CACNA1B: variants seen among roughly 807,000 people sequenced by gnomAD.
The protein encoded by CACNA1B is voltage-dependent N-type calcium channel subunit alpha-1B.
Under a neutral mutation model 247.2 loss-of-function variants are expected in CACNA1B, and 70 were observed. That is an observed-to-expected ratio of 0.28 (90% confidence interval 0.23 to 0.35). The LOEUF is 0.35. CACNA1B is among the 10% of genes least tolerant of loss of function. The pLI is 1.00. For missense variants in CACNA1B, 2,367 were observed against 3,197.4 expected (o/e 0.74, Z 6.26); for synonymous variants, 1,231 against 1,294.4 (o/e 0.95, Z 1.05).
intron 21 of CACNA1B, among the ~76,000 whole-genome samples, chr9:138,045,936 G>A (rs1959180809): frequency 1.3e-5 from 2 of 152,150 alleles, no homozygotes; most frequent in South Asian, 4.1e-4. Context: ...AGGGGCTGGG[G>A]GCGGTGGACA....
chr9:137,938,930 G>A (rs1483574507), intron 6 of CACNA1B, among the ~76,000 whole-genome samples: 8 of 152,172 alleles, frequency 5.3e-5, no homozygotes, highest in Admixed American at 5.2e-4. Context: ...AAATAGCCAG[G>A]TGTGGTGGCA....
chr9:137,896,075 TA>T (rs1957168791), intron 3 of CACNA1B, among the ~76,000 whole-genome samples: 2 of 151,922 alleles, frequency 1.3e-5, no homozygotes, highest in South Asian at 4.2e-4. Context: ...CTGTCTCTAC[TA>T]AAAATACAAA....
At chr9:138,040,126 A>G (rs1959099069) in intron 20 of CACNA1B, among the ~76,000 whole-genome samples, 1 of 152,136 alleles carries the variant, frequency 6.6e-6, no homozygotes, top group African/African-American at 2.4e-5. Context: ...TATTGTAGAC[A>G]TGGAGTTTCT....
intron 18 of CACNA1B, among the ~76,000 whole-genome samples, chr9:138,019,910 C>A (rs2133431757): frequency 6.6e-6 from 1 of 152,042 alleles, no homozygotes; most frequent in East Asian, 1.9e-4. Context: ...CCAGCCTGGG[C>A]AACATGGTGA....
rs1348063859 is a variant in CACNA1B, at chr9:138,073,775, G to A, written c.4791+171G>A. On this transcript the variant is annotated intron_variant, in intron 33 of 46. Transcript: ENST00000371372. This position sits in a 1 kb window ranked among gnomAD's most constrained non-coding sequence, Gnocchi z 6.4. ...TTTATAAAGACGTTTTAAGTCATCTGTAGGTTCCCTTGGTCATGCTCACAA... is the reference window on the plus strand; with the variant it reads ...TTTATAAAGACGTTTTAAGTCATCTATAGGTTCCCTTGGTCATGCTCACAA... 6.6e-6 allele frequency among the ~76,000 whole-genome samples: 1 copy of A among 152,212 alleles called. No homozygotes were observed. Among genetic ancestry groups the A allele is most frequent in the Non-Finnish European group, 1.5e-5 (1 of 68,034 alleles).
At chr9:137,935,281 G>A (rs988359876) in intron 6 of CACNA1B, among the ~76,000 whole-genome samples, 7 of 151,964 alleles carry the variant, frequency 4.6e-5, no homozygotes, top group African/African-American at 7.3e-5. Flanking sequence ...AGGCTCCGGC[G>A]TGTGATGTTC....
At chr9:137,942,731 C>T (rs182385515) in intron 6 of CACNA1B, among the ~76,000 whole-genome samples, 21 of 152,258 alleles carry the variant, frequency 1.4e-4, no homozygotes, top group Admixed American at 6.5e-4. Flanking sequence ...GAAAACCGAA[C>T]GTCGTATGTT....
chr9:138,118,723 C>T lies in CACNA1B; in HGVS notation c.5985C>T (p.Ser1995=). The T allele has an allele frequency of 6.4e-7, 1 of 1,557,788 alleles. No individual in the cohort carries two copies. The highest frequency in any genetic ancestry group is 8.7e-7 in the Non-Finnish European group (1 of 1,150,696). Residue 1995 remains serine, a synonymous_variant, in exon 44 of 47, where the codon AGC becomes AGT. Coordinates refer to ENST00000371372, the MANE Select transcript of CACNA1B (RefSeq NM_000718.4). ...GGGAGCCCCAGCCTGGGCTGGAGAG[C>T]CAGGGTCGAGCGGCCTCCATGCCCC... The part of the protein sequence containing the change: ...PDGEPQPGLE[S]QGRAASMPRL...
At chr9:138,017,027 A>T (rs558029408) in intron 18 of CACNA1B, 1 of 461,786 alleles carries the variant, frequency 2.2e-6, no homozygotes, top group East Asian at 6.4e-5. Context: ...TCCTGTCCAG[A>T]TGCACATGGC....
chr9:138,083,350 T>A (rs62580955), intron 36 of CACNA1B, among the ~76,000 whole-genome samples: 21,753 of 150,924 alleles, frequency 0.14, 2,254 homozygotes, highest in East Asian at 0.38. Context: ...AGGGGCCACG[T>A]GGAGGTGGAG....
At chr9:138,022,813 G>GC (rs1050927157) in intron 18 of CACNA1B, among the ~76,000 whole-genome samples, 198 bp from the exon 19 acceptor site, 12 of 151,982 alleles carry the variant, frequency 7.9e-5, no homozygotes, top group Admixed American at 2.6e-4. Flanking sequence ...CGTGGGGGGG[G>GC]GGGGCGGCGG....
At chr9:137,959,777 G>A (rs1453758063) in intron 10 of CACNA1B, among the ~76,000 whole-genome samples, 3 of 152,182 alleles carry the variant, frequency 2.0e-5, no homozygotes, top group Admixed American at 2.0e-4. Context: ...TGCCAGCAAC[G>A]GAGGCATGGG....
Position 137,939,803 on chromosome 9 carries a change from AAAAT to A in CACNA1B, c.967-12427_967-12424del, listed in dbSNP as rs756173569. On this transcript the variant is annotated intron_variant, in intron 6 of 46. Transcript: ENST00000371372. Reference sequence around the variant, plus strand: ...GGGCAACTGAGCAAGACTCCGTCTCAAAATAAATAAATAAATAAATAAATAAATA... The same window carrying A: ...GGGCAACTGAGCAAGACTCCGTCTCAAAATAAATAAATAAATAAATAAATA... 8.3e-3 allele frequency among the ~76,000 whole-genome samples: 1,192 copies of A among 143,812 alleles called. 7 individuals carry two copies. Among genetic ancestry groups the A allele is most frequent in the Middle Eastern group, 0.018 (5 of 284 alleles). 94.3% of individuals were successfully genotyped at this position (143,812 alleles called of 152,430 possible).
intron 22 of CACNA1B, 100 bp downstream of exon 22, chr9:138,047,133 G>T: frequency 9.0e-7 from 1 of 1,109,620 alleles, no homozygotes; most frequent in South Asian, 1.6e-5. Flanking sequence ...AGGTCCTGTC[G>T]TCTCACAGGG....
intron 20 of CACNA1B, among the ~76,000 whole-genome samples, chr9:138,027,210 T>C (rs921728347): frequency 6.6e-6 from 1 of 152,226 alleles, no homozygotes; most frequent in African/African-American, 2.4e-5. Flanking sequence ...TTCTCCCATT[T>C]TGTGGCTTGG....
At chr9:138,026,907 G>T (rs934286214) in intron 20 of CACNA1B, among the ~76,000 whole-genome samples, 1 of 152,182 alleles carries the variant, frequency 6.6e-6, no homozygotes, top group African/African-American at 2.4e-5. Context: ...GAGAGTTCCT[G>T]TTGCTCCACA....
At position 138,118,098 on chromosome 9, in the gene CACNA1B, G is replaced by C. The variant is rs529663330; in HGVS notation, c.5913+17G>C. ...GGAGCACTGGTGAGCACTCCCGGGG[G>C]CTAGTGAGACTGGGTTGGGGGATGT... On this transcript the variant is annotated intron_variant, in intron 43 of 46. Coordinates refer to ENST00000371372, the MANE Select transcript of CACNA1B (RefSeq NM_000718.4). The C allele has an allele frequency of 6.5e-7, 1 of 1,529,548 alleles. No individual in the cohort carries two copies. Among genetic ancestry groups the C allele is most frequent in the Non-Finnish European group, 8.8e-7 (1 of 1,134,088 alleles). 94.7% of individuals were successfully genotyped at this position (1,529,548 alleles called of 1,614,324 possible).
At position 137,913,117 on chromosome 9, in the gene CACNA1B, T is replaced by C; in HGVS notation, c.531-63T>C. On this transcript the variant is annotated intron_variant, in intron 3 of 46. Coordinates refer to ENST00000371372, the MANE Select transcript of CACNA1B (RefSeq NM_000718.4). The surrounding 1 kb of genome is among the most constrained non-coding windows in gnomAD (Gnocchi z 5.2). ...GACATGACCCTGGTGGTGGGAGGAG[T>C]GTGTCCTCTTCCAGGCTCAATGTGG... 7.9e-7 allele frequency: 1 copy of C among 1,268,458 alleles called. No homozygotes were observed. Among genetic ancestry groups the C allele is most frequent in the Non-Finnish European group, 1.1e-6 (1 of 873,672 alleles). 78.6% of individuals were successfully genotyped at this position (1,268,458 alleles called of 1,614,324 possible).
chr9:138,033,941 CCCCATTATTGA>C (rs367729042), intron 20 of CACNA1B, among the ~76,000 whole-genome samples: 21 of 152,138 alleles, frequency 1.4e-4, no homozygotes, highest in African/African-American at 4.8e-4. Context: ...TAGAGAGTTG[CCCCATTATTGA>C]CAGATGGGAA....
Sources: gnomAD v4.1 joint callset for allele counts (sites outside exome capture counted in the v4.1 genomes callset) on GRCh38, gnomAD v4.1.1 for gene constraint, Gnocchi (gnomAD v3.1) non-coding constraint, MANE v1.5 for transcripts, NCBI Gene and HGNC (gene_info 2026-07-23, HGNC 2026-07-21) for gene names.